Variants in KALRN observed in about 807,000 individuals in gnomAD.
The protein encoded by KALRN is kalirin RhoGEF kinase, also known as kalirin.
Under a neutral mutation model 353.7 loss-of-function variants are expected in KALRN, and 70 were observed. That is an observed-to-expected ratio of 0.20 (90% CI 0.16 to 0.24). The LOEUF (loss-of-function observed/expected upper bound fraction) is 0.24, where lower values mean the gene tolerates loss of function less well. Among genes scored for constraint, KALRN ranks in the 10% least tolerant of loss-of-function variants. KALRN has a pLI of 1.00. For synonymous variants in KALRN, 1,391 were observed against 1,434.8 expected (o/e 0.97, Z 0.69); for missense variants, 2,791 against 3,756.7 (o/e 0.74, Z 6.72).
At chr3:124,579,983 T>C (rs1301418128) in intron 34 of KALRN, among the ~76,000 whole-genome samples, 1 of 152,184 alleles carries the variant, frequency 6.6e-6, no homozygotes, top group African/African-American at 2.4e-5. Flanking sequence ...GGAAGGCTGG[T>C]TCCTCAAAGA....
chr3:124,613,093 T>A (rs1216182256), intron 34 of KALRN, among the ~76,000 whole-genome samples: 1 of 152,108 alleles, frequency 6.6e-6, no homozygotes, highest in Non-Finnish European at 1.5e-5. Flanking sequence ...TTAGCTATAG[T>A]AAAGGAAAAG....
At chr3:124,441,338 C>T (rs1173474654) in intron 18 of KALRN, among the ~76,000 whole-genome samples, 6 of 152,110 alleles carry the variant, frequency 3.9e-5, no homozygotes, top group African/African-American at 7.2e-5. Flanking sequence ...TAGAAGGAGA[C>T]GAGAGGTGGC....
intron 57 of KALRN, among the ~76,000 whole-genome samples, chr3:124,707,443 TTCCC>T (rs778546100): frequency 7.5e-6 from 1 of 133,860 alleles, no homozygotes; most frequent in Non-Finnish European, 1.6e-5. Context: ...CCTTCCTTCC[TTCCC>T]TCCTTCCTTC....
chr3:124,222,760 C>G (rs946837235), intron 1 of KALRN, among the ~76,000 whole-genome samples: 1 of 152,108 alleles, frequency 6.6e-6, no homozygotes, highest in African/African-American at 2.4e-5. Flanking sequence ...TGCCACCATG[C>G]CTGGCTAATT....
chr3:124,229,243 C>T (rs1488665972), intron 2 of KALRN, among the ~76,000 whole-genome samples: 1 of 152,094 alleles, frequency 6.6e-6, no homozygotes, highest in African/African-American at 2.4e-5. Context: ...GTCCGGTGAC[C>T]CCTGATATAA....
intron 25 of KALRN, among the ~76,000 whole-genome samples, chr3:124,468,884 TG>T (rs2060612455): frequency 6.6e-6 from 1 of 152,252 alleles, no homozygotes; most frequent in South Asian, 2.1e-4. Context: ...TTGTTACTGT[TG>T]TTTGTGTTTT....
chr3:124,234,479 G>A (rs1188240454), intron 2 of KALRN, among the ~76,000 whole-genome samples: 1 of 152,146 alleles, frequency 6.6e-6, no homozygotes, highest in Non-Finnish European at 1.5e-5. Context: ...TTCTCAATAA[G>A]AACAGTTATC....
At chr3:124,490,378 G>T (rs879398899) in intron 29 of KALRN, among the ~76,000 whole-genome samples, 3 of 152,204 alleles carry the variant, frequency 2.0e-5, no homozygotes, top group Non-Finnish European at 4.4e-5. Flanking sequence ...GGAGCTATGG[G>T]ATTTGCCCTT....
At chr3:124,239,042 C>G (rs2080122800) in intron 3 of KALRN, among the ~76,000 whole-genome samples, 1 of 152,184 alleles carries the variant, frequency 6.6e-6, no homozygotes, top group Non-Finnish European at 1.5e-5. Flanking sequence ...GGATAGGAAT[C>G]TTGGTGAGGC....
intron 10 of KALRN, among the ~76,000 whole-genome samples, chr3:124,354,244 G>T (rs899162295): frequency 2.0e-5 from 3 of 152,236 alleles, no homozygotes; most frequent in Admixed American, 2.0e-4. Flanking sequence ...CAAACTGAAA[G>T]ATTTGAAAGC....
intron 7 of KALRN, among the ~76,000 whole-genome samples, chr3:124,328,991 T>A (rs1191447462): frequency 1.3e-5 from 2 of 152,210 alleles, no homozygotes; most frequent in Non-Finnish European, 2.9e-5. Context: ...GGCAATGGGA[T>A]AAAGAGGTCT....
chr3:124,086,053 C>T (rs562978928), intron 1 of KALRN, among the ~76,000 whole-genome samples: 2 of 152,234 alleles, frequency 1.3e-5, no homozygotes, highest in Middle Eastern at 3.4e-3. Flanking sequence ...TTAATGGTTT[C>T]TAAGTATAAT....
chr3:124,264,412 G>A (rs1245400006), intron 3 of KALRN, 86 bp from the exon 4 acceptor site: 1 of 1,107,050 alleles, frequency 9.0e-7, no homozygotes, highest in Non-Finnish European at 1.3e-6. Flanking sequence ...GTCAAGGGGA[G>A]TGCAGGTTTC....
At chr3:124,175,634 G>A (rs1440743190) in intron 1 of KALRN, among the ~76,000 whole-genome samples, 1 of 151,108 alleles carries the variant, frequency 6.6e-6, no homozygotes, top group Admixed American at 6.6e-5. Flanking sequence ...CCAGGATGGG[G>A]AAATGTGTAC....
chr3:124,167,099 G>T (rs2070986392), intron 1 of KALRN, among the ~76,000 whole-genome samples: 1 of 152,022 alleles, frequency 6.6e-6, no homozygotes, highest in South Asian at 2.1e-4. Flanking sequence ...TTCCAAATAG[G>T]TGACTGGACA....
chr3:124,499,209 G>A (rs2064228400), intron 33 of KALRN, among the ~76,000 whole-genome samples: 2 of 152,144 alleles, frequency 1.3e-5, no homozygotes, highest in Non-Finnish European at 1.5e-5. Flanking sequence ...GAGCTGTGGC[G>A]GCTCCAGGAT....
chr3:124,257,071 G>A (rs992863927), intron 3 of KALRN, among the ~76,000 whole-genome samples: 6 of 152,166 alleles, frequency 3.9e-5, no homozygotes, highest in Non-Finnish European at 8.8e-5. Flanking sequence ...GAGACCCTGA[G>A]GCCATGGAGA....
intron 15 of KALRN, among the ~76,000 whole-genome samples, chr3:124,428,159 T>C (rs2093110947): frequency 6.6e-6 from 1 of 152,198 alleles, no homozygotes; most frequent in Admixed American, 6.5e-5. Flanking sequence ...AAAATACCAG[T>C]AATAGAAAAT....
chr3:124,676,687 G>C (rs529403886), intron 49 of KALRN, among the ~76,000 whole-genome samples: 1 of 152,252 alleles, frequency 6.6e-6, no homozygotes. Context: ...CATACACAAC[G>C]TGCTGCCTGC....
Sources: gnomAD v4.1 joint callset for allele counts (sites outside exome capture counted in the v4.1 genomes callset) on GRCh38, gnomAD v4.1.1 for gene constraint, MANE v1.5 for transcripts, NCBI Gene and HGNC (gene_info 2026-07-23, HGNC 2026-07-21) for gene names.